PDE5A: variants seen among roughly 807,000 people sequenced by gnomAD.
PDE5A encodes the protein cGMP-specific 3',5'-cyclic phosphodiesterase.
Under a neutral mutation model 110.2 loss-of-function variants are expected in PDE5A, and 67 were observed. The observed-to-expected ratio is 0.61, with a 90% CI of 0.50 to 0.75. PDE5A has a LOEUF of 0.75. Among genes scored for constraint, PDE5A ranks in the 30% least tolerant of loss-of-function variants. The pLI is 0.00. For synonymous variants in PDE5A, 328 were observed against 351.2 expected, an observed-to-expected ratio of 0.93 and a Z score of 0.74; for missense variants, 862 against 1,045.1, an observed-to-expected ratio of 0.82 and a Z score of 2.42.
chr4:119,566,850 A>G (rs1727953400), intron 4 of PDE5A, among the ~76,000 whole-genome samples: 1 of 152,208 alleles, frequency 6.6e-6, no homozygotes, highest in African/African-American at 2.4e-5. Context: ...CAGCACAGCA[A>G]GGAGGGAATT....
chr4:119,499,961 C>T (rs1560591105), intron 20 of PDE5A: 4 of 139,682 alleles, frequency 2.9e-5, no homozygotes, highest in Non-Finnish European at 6.3e-5. Context: ...AAAATGAATC[C>T]TTGTGTGTGT....
At chr4:119,591,007 A>G (rs1443388499) in intron 3 of PDE5A, among the ~76,000 whole-genome samples, 2 of 152,240 alleles carry the variant, frequency 1.3e-5, no homozygotes, top group South Asian at 2.1e-4. Context: ...GGGTGGACTT[A>G]GAAAAAGAGA....
rs200294926 is a variant in PDE5A, at chr4:119,539,345, G to GT, written c.1573-327dup. ...CAAACTTTGGCAGAAAATTTATTTTGTTTTTTTTTTTTAAGACAATATTGA... is the reference window on the plus strand; with the variant it reads ...CAAACTTTGGCAGAAAATTTATTTTGTTTTTTTTTTTTTAAGACAATATTGA... On this transcript the variant is annotated intron_variant, in intron 10 of 20. Transcript: ENST00000354960. 3.7e-3 allele frequency among the ~76,000 whole-genome samples: 517 copies of GT among 140,580 alleles called. 2 individuals are homozygous for GT. Among genetic ancestry groups the GT allele is most frequent in the African/African-American group, 6.2e-3 (239 of 38,478 alleles). 92.2% of individuals were successfully genotyped at this position (140,580 alleles called of 152,430 possible).
At chr4:119,528,804 G>C (rs1422684023) in intron 11 of PDE5A, 1 of 152,138 alleles carries the variant, frequency 6.6e-6, no homozygotes, top group African/African-American at 2.4e-5. Flanking sequence ...GTGGCATCTA[G>C]ATCTTGCCAG....
chr4:119,509,437 AG>A (rs1725665619), intron 15 of PDE5A, among the ~76,000 whole-genome samples: 1 of 152,204 alleles, frequency 6.6e-6, no homozygotes, highest in South Asian at 2.1e-4. Context: ...AAGAGGCTAC[AG>A]CAGTCCAAAG....
chr4:119,598,064 A>G (rs1222072100), intron 2 of PDE5A, among the ~76,000 whole-genome samples: 1 of 152,174 alleles, frequency 6.6e-6, no homozygotes, highest in Non-Finnish European at 1.5e-5. Flanking sequence ...GATGAATTAA[A>G]GAAGTGAAAA....
At chr4:119,504,837 T>C (rs1455548936) in intron 17 of PDE5A, among the ~76,000 whole-genome samples, 1 of 152,106 alleles carries the variant, frequency 6.6e-6, no homozygotes, top group East Asian at 1.9e-4. Flanking sequence ...CTGCCTCATT[T>C]AGCTCCAGAT....
At chr4:119,601,548 G>A (rs1489639660) in intron 2 of PDE5A, among the ~76,000 whole-genome samples, 1 of 151,564 alleles carries the variant, frequency 6.6e-6, no homozygotes, top group Admixed American at 6.6e-5. Context: ...TAAGTGTAGT[G>A]CTTTCTTGAG....
At chr4:119,513,891 T>C (rs190406516) in intron 14 of PDE5A, among the ~76,000 whole-genome samples, 1 of 152,344 alleles carries the variant, frequency 6.6e-6, no homozygotes, top group East Asian at 1.9e-4. Flanking sequence ...ATGCAAACTG[T>C]GTTTGCCTTT....
intron 11 of PDE5A, among the ~76,000 whole-genome samples, chr4:119,537,945 T>C (rs1726786092): frequency 6.6e-6 from 1 of 152,052 alleles, no homozygotes; most frequent in African/African-American, 2.4e-5. Context: ...TTCTTAATAT[T>C]CATCTTAATA....
chr4:119,517,177 A>G (rs1476157399), intron 14 of PDE5A: 2 of 152,192 alleles, frequency 1.3e-5, no homozygotes, highest in African/African-American at 4.8e-5. Flanking sequence ...TAATTTTGCC[A>G]CCACATGACC....
At chr4:119,539,364 A>G (rs897746169) in intron 10 of PDE5A, among the ~76,000 whole-genome samples, 6 of 151,856 alleles carry the variant, frequency 4.0e-5, no homozygotes, top group Admixed American at 2.0e-4. Flanking sequence ...TTTTAAGACA[A>G]TATTGACTTT....
intron 3 of PDE5A, among the ~76,000 whole-genome samples, chr4:119,572,448 T>C (rs2715020): frequency 0.98 from 148,672 of 152,308 alleles, 72,664 homozygotes; most frequent in East Asian, 1. Context: ...TATTAAGAAA[T>C]CCATCCATAT....
intron 3 of PDE5A, among the ~76,000 whole-genome samples, chr4:119,583,081 C>T (rs1728642433): frequency 6.6e-6 from 1 of 152,186 alleles, no homozygotes; most frequent in Non-Finnish European, 1.5e-5. Context: ...TCCTCTCTGG[C>T]TATGAAAGTC....
At chr4:119,598,166 A>C (rs1729219917) in intron 2 of PDE5A, among the ~76,000 whole-genome samples, 1 of 152,196 alleles carries the variant, frequency 6.6e-6, no homozygotes, top group Non-Finnish European at 1.5e-5. Flanking sequence ...TAAACATTTG[A>C]ATTATGAGAC....
At chr4:119,581,145 GTA>G (rs1728575725) in intron 3 of PDE5A, among the ~76,000 whole-genome samples, 1 of 152,216 alleles carries the variant, frequency 6.6e-6, no homozygotes, top group South Asian at 2.1e-4. Flanking sequence ...GATAATTACA[GTA>G]TAGAGTGGTG....
chr4:119,542,871 TA>T (rs1054568701), intron 9 of PDE5A, among the ~76,000 whole-genome samples: 15 of 152,094 alleles, frequency 9.9e-5, no homozygotes, highest in Non-Finnish European at 1.5e-4. Flanking sequence ...CCTAGAGTAC[TA>T]TTTTCTTCCA....
At chr4:119,568,617 T>C (rs992624477) in intron 3 of PDE5A, among the ~76,000 whole-genome samples, 18 of 152,114 alleles carry the variant, frequency 1.2e-4, no homozygotes, top group African/African-American at 4.3e-4. Context: ...CATGATACAG[T>C]GGCCATGGAT....
At chr4:119,574,706 C>T (rs544140094) in intron 3 of PDE5A, among the ~76,000 whole-genome samples, 9 of 151,916 alleles carry the variant, frequency 5.9e-5, no homozygotes, top group South Asian at 2.1e-4. Context: ...TTATAAGTCT[C>T]GTAACAAGTT....
Sources: allele counts gnomAD v4.1 joint callset (sites outside exome capture counted in the v4.1 genomes callset), GRCh38; gene constraint gnomAD v4.1.1; transcripts MANE v1.5; gene names NCBI Gene and HGNC (gene_info 2026-07-23, HGNC 2026-07-21).